The following MASTL variants were observed in gnomAD, a reference collection of about 807,000 sequenced individuals.
The protein encoded by MASTL is microtubule associated serine/threonine kinase like.
Under a neutral mutation model 82.5 loss-of-function variants are expected in MASTL, and 54 were observed. The ratio of observed to expected loss-of-function variants is 0.65; its 90% CI spans 0.53 to 0.82. The LOEUF is 0.82. MASTL is among the 40% of genes least tolerant of loss of function. The probability of loss-of-function intolerance (pLI) is 0.00; values close to 1 mark genes in which losing one functional copy is unlikely to be tolerated. For synonymous variants in MASTL, 323 were observed against 368.9 expected, an observed-to-expected ratio of 0.88 and a Z score of 1.43; for missense variants, 950 against 1,047.8, an observed-to-expected ratio of 0.91 and a Z score of 1.29.
At chr10:27,157,977 T>A (rs2057449078) in intron 1 of MASTL, among the ~76,000 whole-genome samples, 2 of 152,096 alleles carry the variant, frequency 1.3e-5, no homozygotes, top group Non-Finnish European at 2.9e-5. Context: ...TGGAACAGAA[T>A]TTTTTTTCTA....
In MASTL at chr10:27,170,835, C is replaced by A; in HGVS notation, c.1876C>A (p.Pro626Thr). The change falls in exon 8 of 12, where the codon CCT becomes ACT. Residue 626 changes from proline (P) to threonine (T), a missense_variant. Coordinates refer to ENST00000375940, the MANE Select transcript of MASTL (RefSeq NM_001172303.3). ...GACCTCACCAAAAGGTGTCGAGAAC[C>A]CTGCTGTACAAGAGAGTAACCAAAA... ...EKTSPKGVEN[P>T]AVQESNQKML... 6.2e-7 allele frequency: 1 copy of A among 1,614,138 alleles called. No individual in the cohort carries two copies. The highest frequency in any genetic ancestry group is 2.2e-5 in the East Asian group (1 of 44,870).
In MASTL at chr10:27,169,539, C is replaced by G. The variant is rs945627670; in HGVS notation, c.985-405C>G. 2.0e-5 allele frequency among the ~76,000 whole-genome samples: 3 copies of G among 149,920 alleles called. No individual in the cohort carries two copies. In the South Asian group the frequency reaches 6.3e-4, roughly 32 times the overall value. ...GAGCTGAGATCGCACCACTGCACTT[C>G]AGCCTGGACGACAGCAAGACCCCAT... On this transcript the variant is annotated intron_variant, in intron 7 of 11. Coordinates refer to ENST00000375940, the MANE Select transcript of MASTL (RefSeq NM_001172303.3).
intron 6 of MASTL, among the ~76,000 whole-genome samples, chr10:27,166,706 G>A (rs4749232): frequency 0.075 from 11,373 of 152,086 alleles, 475 homozygotes; most frequent in South Asian, 0.16. Flanking sequence ...AGGCTGCAGT[G>A]AGAGTAATCA....
intron 2 of MASTL, among the ~76,000 whole-genome samples, chr10:27,158,892 G>A (rs1311379081): frequency 6.6e-6 from 1 of 152,172 alleles, no homozygotes; most frequent in Non-Finnish European, 1.5e-5. Flanking sequence ...GTGTGTATGT[G>A]TATGTATATG....
intron 9 of MASTL, among the ~76,000 whole-genome samples, chr10:27,176,849 CT>C (rs11334357): frequency 0.71 from 89,006 of 124,650 alleles, 31,360 homozygotes; most frequent in African/African-American, 0.81. Flanking sequence ...TTTCTTTTTT[CT>C]TTTTTTTTTT....
Position 27,187,851 on chromosome 10 carries a change from TATTGTC to T in MASTL, c.*1319_*1324del, listed in dbSNP as rs2058861953. Among the ~76,000 whole-genome samples the T allele has an allele frequency of 6.6e-6, 1 of 152,220 alleles. No homozygotes were observed. The highest frequency in any genetic ancestry group is 2.1e-4 in the South Asian group (1 of 4,824). On this transcript the variant is annotated 3_prime_UTR_variant, in exon 12 of 12. Transcript: ENST00000375940. The stretch of plus-strand genomic sequence containing the variant: ...ATAGAAAATGTGATGCTTTACATCT[TATTGTC>T]ATTTATTTAAAACATGCAACATTAT...
At chr10:27,179,703 A>T (rs1177575776) in intron 9 of MASTL, among the ~76,000 whole-genome samples, 1 of 152,232 alleles carries the variant, frequency 6.6e-6, no homozygotes, top group African/African-American at 2.4e-5. Flanking sequence ...TCTTTGTTAA[A>T]CTAATTTGTC....
intron 9 of MASTL, among the ~76,000 whole-genome samples, chr10:27,174,261 A>T (rs1053655031): frequency 3.3e-5 from 5 of 151,990 alleles, no homozygotes; most frequent in Non-Finnish European, 1.5e-5. Flanking sequence ...AGGCTGGGGC[A>T]TGAGAATTGC....
rs988253984 is a variant in MASTL at position 27,169,998 on chromosome 10, T to G, written c.1039T>G (p.Leu347Val). 6 of 1,613,990 alleles carry G rather than the reference T, an allele frequency of 3.7e-6. No individual in the cohort carries two copies. Among genetic ancestry groups the G allele is most frequent in the South Asian group, 1.1e-5 (1 of 91,086 alleles). The part of the protein sequence containing the change: ...TMMSWNAVEK[L>V]CAKSANAIET... ...GATGAGTTGGAATGCAGTTGAAAAG[T>G]TATGCGCAAAATCTGCAAATGCCAT... The change falls in exon 8 of 12, where the codon TTA becomes GTA. Residue 347 changes from leucine to valine, a missense_variant. Physicochemically the swap from Leu to Val is conservative, Grantham distance 32. Coordinates refer to ENST00000375940, the MANE Select transcript of MASTL (RefSeq NM_001172303.3).
At chr10:27,173,020 C>G in intron 8 of MASTL, 98 bp from the exon 9 acceptor site, 1 of 1,415,060 alleles carries the variant, frequency 7.1e-7, no homozygotes, top group Non-Finnish European at 9.9e-7. Flanking sequence ...CGCCTAGTAG[C>G]CTATGAGCTA....
intron 9 of MASTL, 23 bp from the exon 10 acceptor site, chr10:27,180,930 A>T: frequency 7.1e-7 from 1 of 1,400,794 alleles, no homozygotes; most frequent in Non-Finnish European, 1.0e-6. Flanking sequence ...TTGCAACTTT[A>T]GCTGTTTCCT....
intron 1 of MASTL, among the ~76,000 whole-genome samples, chr10:27,157,870 T>TA (rs968751736): frequency 3.4e-4 from 50 of 148,622 alleles, no homozygotes; most frequent in African/African-American, 9.3e-4. Flanking sequence ...AATCAGAAGT[T>TA]AAAAAAAAAA....
At chr10:27,173,859 G>A (rs1432770178) in intron 9 of MASTL, among the ~76,000 whole-genome samples, 1 of 152,018 alleles carries the variant, frequency 6.6e-6, no homozygotes, top group South Asian at 2.1e-4. Flanking sequence ...GATTACAGGC[G>A]TGAGCCACCG....
intron 6 of MASTL, among the ~76,000 whole-genome samples, chr10:27,166,023 A>G: frequency 6.6e-6 from 1 of 152,014 alleles, no homozygotes; most frequent in East Asian, 1.9e-4. Context: ...CCTGGCCAAC[A>G]TGGTAAAACC....
chr10:27,182,676 G>A (rs1292760341), intron 11 of MASTL, among the ~76,000 whole-genome samples: 1 of 152,062 alleles, frequency 6.6e-6, no homozygotes, highest in African/African-American at 2.4e-5. Flanking sequence ...CCAGGAGGTC[G>A]AGGCTACAGC....
Position 27,186,715 on chromosome 10 carries a change from AT to A in MASTL, c.*182del, listed in dbSNP as rs1190379347. 1 of 625,724 alleles carries A rather than the reference AT, an allele frequency of 1.6e-6. No homozygotes were observed. Among genetic ancestry groups the A allele is most frequent in the African/African-American group, 1.8e-5 (1 of 54,448 alleles). The allele number at this position is 625,724 out of a possible 1,614,324, so 38.8% of individuals were successfully genotyped here. A position where few individuals can be genotyped will look rare whatever the true frequency, so the allele number is the denominator to read the frequency against. On this transcript the variant is annotated 3_prime_UTR_variant, in exon 12 of 12. Coordinates refer to ENST00000375940, the MANE Select transcript of MASTL (RefSeq NM_001172303.3). Reference sequence around the variant, plus strand: ...AAGGCTGAAAGGAATATAGTCAGTAATTTATCTTAACCTCAAAACTGTATAT... The same window carrying A: ...AAGGCTGAAAGGAATATAGTCAGTAATTATCTTAACCTCAAAACTGTATAT...
chr10:27,155,370 G>C lies in MASTL; in HGVS notation c.-57G>C. ...GAGCCTCACTTTGAACCCAGTTGGC[G>C]GGAGTGGCTGCTCGCGGAGGGGCAG... On this transcript the variant is annotated 5_prime_UTR_variant, in exon 1 of 12. Transcript: ENST00000375940. The C allele has an allele frequency of 6.6e-7, 1 of 1,519,992 alleles. No homozygotes were observed. The highest frequency in any genetic ancestry group is 8.9e-7 in the Non-Finnish European group (1 of 1,126,654). 94.2% of individuals were successfully genotyped at this position (1,519,992 alleles called of 1,614,324 possible).
chr10:27,165,585 G>A (rs750329834), intron 6 of MASTL, 46 bp downstream of exon 6: 15 of 1,579,426 alleles, frequency 9.5e-6, no homozygotes, highest in African/African-American at 1.3e-5. Flanking sequence ...GCTTACACCT[G>A]TAATACTACC....
intron 10 of MASTL, 35 bp downstream of exon 10, chr10:27,181,101 C>T (rs757543680): frequency 3.4e-6 from 5 of 1,464,912 alleles, no homozygotes; most frequent in Non-Finnish European, 4.8e-6. Flanking sequence ...TAGTCATTTA[C>T]TGGCTGGGCA....
Sources: gnomAD v4.1 joint callset for allele counts (sites outside exome capture counted in the v4.1 genomes callset) on GRCh38, gnomAD v4.1.1 for gene constraint, MANE v1.5 for transcripts, NCBI Gene and HGNC (gene_info 2026-07-23, HGNC 2026-07-21) for gene names.